ZNF618: variants seen among roughly 807,000 people sequenced by gnomAD.
ZNF618 encodes the protein zinc finger protein 618, also known as neural precursor cell expressed, developmentally down-regulated 10.
ZNF618 carries 34 observed loss-of-function variants against 103.0 expected under a neutral mutation model. That is an observed-to-expected ratio of 0.33 (90% CI 0.25 to 0.44). ZNF618 has a LOEUF of 0.44. ZNF618 is among the 20% of genes least tolerant of loss of function. ZNF618 has a pLI of 1.00. For missense variants in ZNF618, 1,059 were observed against 1,295.4 expected (o/e 0.82, Z 2.80); for synonymous variants, 551 against 542.2 (o/e 1.02, Z -0.23).
Position 113,953,327 on chromosome 9 carries a change from A to G in ZNF618, c.34-15790A>G, listed in dbSNP as rs112395274. Among the ~76,000 whole-genome samples, 1,066 of 152,312 alleles carry G rather than the reference A, an allele frequency of 7.0e-3. 15 individuals are homozygous for G. Among genetic ancestry groups the G allele is most frequent in the African/African-American group, 0.024 (996 of 41,560 alleles). On this transcript the variant is annotated intron_variant, in intron 1 of 14. Coordinates refer to ENST00000374126, the MANE Select transcript of ZNF618 (RefSeq NM_001318042.2). ...TCAATCAGGAGTAGCATGGAACCCT[A>G]GGAAATCACCTCATCCTAATACCTG...
intron 1 of ZNF618, among the ~76,000 whole-genome samples, chr9:113,901,401 A>G (rs1240376931): frequency 6.6e-6 from 1 of 152,212 alleles, no homozygotes; most frequent in Non-Finnish European, 1.5e-5. Flanking sequence ...TTTGCCAGAC[A>G]CTTGCAGGGA....
At chr9:113,886,435 A>G (rs1829077408) in intron 1 of ZNF618, among the ~76,000 whole-genome samples, 1 of 152,206 alleles carries the variant, frequency 6.6e-6, no homozygotes, top group Admixed American at 6.5e-5. Context: ...GGGAACTTAG[A>G]ATACTCAAAA....
At chr9:113,933,201 GGAATCAACA>G (rs1833750773) in intron 1 of ZNF618, among the ~76,000 whole-genome samples, 1 of 152,142 alleles carries the variant, frequency 6.6e-6, no homozygotes, top group Non-Finnish European at 1.5e-5. Context: ...TGAGAGGAAT[GGAATCAACA>G]GAATGGGAAC....
At chr9:113,928,259 G>A (rs945824657) in intron 1 of ZNF618, among the ~76,000 whole-genome samples, 16 of 152,104 alleles carry the variant, frequency 1.1e-4, no homozygotes, top group Non-Finnish European at 1.3e-4. Context: ...TTGTGTTTTC[G>A]TTTCATTCTT....
At chr9:114,030,234 C>G (rs909180889) in intron 11 of ZNF618, among the ~76,000 whole-genome samples, 1 of 152,116 alleles carries the variant, frequency 6.6e-6, no homozygotes, top group Non-Finnish European at 1.5e-5. Flanking sequence ...TTAGATCTCC[C>G]AAAAGGAGAG....
intron 3 of ZNF618, 41 bp downstream of exon 3, chr9:113,988,621 G>A: frequency 1.9e-6 from 3 of 1,568,228 alleles, no homozygotes; most frequent in Non-Finnish European, 2.6e-6. Context: ...AGACCAGGGT[G>A]GGAACATGGA....
At chr9:114,015,921 C>T (rs1046776280) in intron 9 of ZNF618, among the ~76,000 whole-genome samples, 1 of 152,196 alleles carries the variant, frequency 6.6e-6, no homozygotes, top group Non-Finnish European at 1.5e-5. Flanking sequence ...ATTCAGGGCT[C>T]ACAGGAGCCA....
At chr9:113,970,903 T>G (rs1544065) in intron 2 of ZNF618, among the ~76,000 whole-genome samples, 22,762 of 146,690 alleles carry the variant, frequency 0.16, 1,866 homozygotes, top group East Asian at 0.19. Flanking sequence ...TGTTCACTGC[T>G]GTGGGCCTGG....
chr9:113,917,088 C>T (rs1832172158), intron 1 of ZNF618, among the ~76,000 whole-genome samples: 1 of 152,072 alleles, frequency 6.6e-6, no homozygotes, highest in South Asian at 2.1e-4. Context: ...TTCAGTCTGA[C>T]TTTGTTTTTT....
At chr9:113,999,798 G>A (rs1183650172) in intron 4 of ZNF618, among the ~76,000 whole-genome samples, 3 of 152,202 alleles carry the variant, frequency 2.0e-5, no homozygotes, top group Non-Finnish European at 2.9e-5. Context: ...CTATTAGATG[G>A]AGGACAGGGA....
At chr9:113,912,899 T>C (rs1359195144) in intron 1 of ZNF618, among the ~76,000 whole-genome samples, 1 of 152,162 alleles carries the variant, frequency 6.6e-6, no homozygotes. Context: ...TGATCTCTTC[T>C]GGCCTGGGCT....
At position 114,028,745 on chromosome 9, in the gene ZNF618, G is replaced by C; in HGVS notation, c.857G>C (p.Gly286Ala). 1.3e-6 allele frequency: 2 copies of C among 1,550,320 alleles called. No homozygotes were observed. The highest frequency in any genetic ancestry group is 1.7e-6 in the Non-Finnish European group (2 of 1,146,924). ...ALHAPISTAP[G>A]WEPPDDPDTG... ...GTGACCCTCTCAGGTACTGCCCCCG[G>C]GTGGGAGCCACCGGATGATCCAGAC... is the stretch of plus-strand genomic sequence containing the variant. The change falls in exon 11 of 15, where the codon GGG becomes GCG. Residue 286 changes from glycine to alanine, a missense_variant. This residue lies in a region of ZNF618 where 434 missense variants were observed against 476.0 expected (regional missense o/e 0.91). Coordinates refer to ENST00000374126, the MANE Select transcript of ZNF618 (RefSeq NM_001318042.2).
intron 1 of ZNF618, among the ~76,000 whole-genome samples, chr9:113,889,659 G>GA (rs755457157): frequency 1.3e-5 from 2 of 152,146 alleles, no homozygotes. Flanking sequence ...GGCCATCTTT[G>GA]GAAAACAAGG....
rs1306847470 is a variant in ZNF618, at chr9:114,036,284, G to C, written c.1169-16G>C. The C allele has an allele frequency of 3.8e-6, 6 of 1,560,852 alleles. No homozygotes were observed. Among genetic ancestry groups the C allele is most frequent in the Non-Finnish European group, 5.2e-6 (6 of 1,151,948 alleles). ...CGGTTCCACCCCTCACGTGGCTGCC[G>C]CATTTCTCCCTCCAGAACCCTACAC... On this transcript the variant is annotated splice_polypyrimidine_tract_variant and intron_variant, in intron 12 of 14. Transcript: ENST00000374126.
intron 1 of ZNF618, among the ~76,000 whole-genome samples, chr9:113,912,066 C>T (rs1295523732): frequency 6.6e-6 from 1 of 152,146 alleles, no homozygotes; most frequent in African/African-American, 2.4e-5. Flanking sequence ...GTCTTCATTT[C>T]TAATAAGCTC....
intron 1 of ZNF618, among the ~76,000 whole-genome samples, chr9:113,900,399 G>C (rs1830412333): frequency 6.6e-6 from 1 of 152,154 alleles, no homozygotes; most frequent in Non-Finnish European, 1.5e-5. Context: ...AACCCTAACA[G>C]TTTTTTGCAC....
intron 2 of ZNF618, among the ~76,000 whole-genome samples, chr9:113,978,957 C>T (rs1324696359): frequency 6.6e-6 from 1 of 152,184 alleles, no homozygotes. Flanking sequence ...GTGCCATTTG[C>T]ATCATGACTG....
intron 14 of ZNF618, 108 bp downstream of exon 14, chr9:114,048,102 T>TG: frequency 1.0e-6 from 1 of 964,764 alleles, no homozygotes; most frequent in Non-Finnish European, 1.6e-6. Context: ...TGTAAGATGA[T>TG]GCATGATAGT....
chr9:113,959,027 G>A (rs1836580083), intron 1 of ZNF618, among the ~76,000 whole-genome samples: 1 of 152,228 alleles, frequency 6.6e-6, no homozygotes, highest in Non-Finnish European at 1.5e-5. Context: ...GGTGGCTCAT[G>A]CCTGTAAATC....
Sources: gnomAD v4.1 joint callset for allele counts (sites outside exome capture counted in the v4.1 genomes callset) on GRCh38, gnomAD v4.1.1 for gene constraint, gnomAD v4.1.1 regional missense constraint, MANE v1.5 for transcripts, NCBI Gene and HGNC (gene_info 2026-07-23, HGNC 2026-07-21) for gene names.